The following ARHGAP21 variants were observed in gnomAD, a reference collection of about 807,000 sequenced individuals.
ARHGAP21 encodes rho GTPase-activating protein 21.
In ARHGAP21, 38 loss-of-function variants were observed where a neutral mutation model predicts 164.6. The observed-to-expected ratio is 0.23, with a 90% CI of 0.18 to 0.30. ARHGAP21 has a LOEUF of 0.30. Ranked by LOEUF, ARHGAP21 falls within the 10% of genes least tolerant of loss-of-function variation. ARHGAP21 has a pLI of 1.00. For synonymous variants in ARHGAP21, 766 were observed against 857.9 expected (o/e 0.89, Z 1.87); for missense variants, 1,822 against 2,370.7 (o/e 0.77, Z 4.81).
chr10:24,673,432 T>C (rs1436729655), intron 2 of ARHGAP21, among the ~76,000 whole-genome samples: 1 of 152,188 alleles, frequency 6.6e-6, no homozygotes, highest in Non-Finnish European at 1.5e-5. Context: ...CATGAACCCA[T>C]GTCAATATTG....
chr10:24,722,811 T>G (rs1357033617), intron 1 of ARHGAP21: 1 of 151,742 alleles, frequency 6.6e-6, no homozygotes. Context: ...GCGGCTGTTT[T>G]CCTTGGCCCG....
In ARHGAP21 at chr10:24,655,375, A is replaced by G. The variant is rs187896037; in HGVS notation, c.268+11610T>C. On this transcript the variant is annotated intron_variant, in intron 4 of 25. Coordinates refer to ENST00000396432, the MANE Select transcript of ARHGAP21 (RefSeq NM_020824.4). ...GAAATTTTTACAATCTACCCATCTGACAAAGGGCTAACATCCAGAATCTAC... is the reference window on the plus strand; with the variant it reads ...GAAATTTTTACAATCTACCCATCTGGCAAAGGGCTAACATCCAGAATCTAC... 9.2e-5 allele frequency among the ~76,000 whole-genome samples: 14 copies of G among 152,378 alleles called. No homozygotes were observed. The East Asian group carries it at 2.7e-3, about 29-fold the overall frequency.
intron 2 of ARHGAP21, among the ~76,000 whole-genome samples, chr10:24,700,272 T>G (rs913704157): frequency 4.6e-5 from 7 of 152,212 alleles, no homozygotes; most frequent in African/African-American, 1.7e-4. Flanking sequence ...AAGGTTTCCC[T>G]GTGCCATTTC....
intron 4 of ARHGAP21, among the ~76,000 whole-genome samples, chr10:24,642,694 C>A (rs189105882): frequency 6.6e-6 from 1 of 152,014 alleles, no homozygotes; most frequent in African/African-American, 2.4e-5. Context: ...AAATGATAGC[C>A]CCAAAGGCTA....
intron 2 of ARHGAP21, among the ~76,000 whole-genome samples, chr10:24,680,021 TA>T (rs1565152562): frequency 1.3e-5 from 2 of 151,614 alleles, no homozygotes; most frequent in African/African-American, 2.4e-5. Context: ...CCCTAAAACT[TA>T]AAGTATAATA....
chr10:24,608,966 TGTA>T (rs1475362037), intron 9 of ARHGAP21, among the ~76,000 whole-genome samples: 3 of 152,228 alleles, frequency 2.0e-5, no homozygotes, highest in East Asian at 1.9e-4. Flanking sequence ...CACTAAAACT[TGTA>T]GTATTTAAAA....
At chr10:24,617,828 T>C (rs1187159766) in intron 9 of ARHGAP21, among the ~76,000 whole-genome samples, 1 of 115,356 alleles carries the variant, frequency 8.7e-6, no homozygotes, top group East Asian at 2.0e-4. Context: ...GAGAAGCATA[T>C]TATATTGTAA....
intron 4 of ARHGAP21, among the ~76,000 whole-genome samples, chr10:24,641,841 C>T (rs1339746245): frequency 6.6e-6 from 1 of 151,616 alleles, no homozygotes; most frequent in East Asian, 2.0e-4. Flanking sequence ...TAAAAACACA[C>T]AAAAAATTAG....
chr10:24,595,147 A>G lies in ARHGAP21; in HGVS notation c.3756T>C (p.Pro1252=), dbSNP rs1564967340. The change falls in exon 20 of 26, where the codon CCT becomes CCC. Residue 1252 remains proline, a synonymous_variant. Transcript: ENST00000396432. ...TTTTTAATGTTTTCAGACGATCTAG[A>G]GGATCTTCTTTACGATTGGCTTCAA... ...DFIEANRKED[P]LDRLKTLKRL... The G allele has an allele frequency of 6.2e-7, 1 of 1,611,788 alleles. No individual in the cohort carries two copies. Among genetic ancestry groups the G allele is most frequent in the South Asian group, 1.1e-5 (1 of 90,594 alleles).
At chr10:24,651,694 T>C (rs980433236) in intron 4 of ARHGAP21, among the ~76,000 whole-genome samples, 2 of 152,188 alleles carry the variant, frequency 1.3e-5, no homozygotes, top group African/African-American at 2.4e-5. Flanking sequence ...ATCAACATGA[T>C]CTACTACATT....
chr10:24,607,802 G>C lies in ARHGAP21; in HGVS notation c.2524C>G (p.Pro842Ala). The change falls in exon 10 of 26, where the codon CCT becomes GCT. Residue 842 changes from proline (P) to alanine (A), a missense_variant. Coordinates refer to ENST00000396432, the MANE Select transcript of ARHGAP21 (RefSeq NM_020824.4). ...GGAGCTGAAGTTGTGAGGCAAGGAGGAACTGTTGCTATGGAGGGGACCTGA... is the reference window on the plus strand; with the variant it reads ...GGAGCTGAAGTTGTGAGGCAAGGAGCAACTGTTGCTATGGAGGGGACCTGA... ...TSQVPSIATV[P>A]PCLTTSAPLI... The C allele has an allele frequency of 6.2e-7, 1 of 1,614,138 alleles. No individual in the cohort carries two copies. The highest frequency in any genetic ancestry group is 1.1e-5 in the South Asian group (1 of 91,078).
chr10:24,713,144 T>G (rs1307244815), intron 2 of ARHGAP21, among the ~76,000 whole-genome samples: 1 of 152,174 alleles, frequency 6.6e-6, no homozygotes, highest in African/African-American at 2.4e-5. Context: ...CTCAAGAATA[T>G]AAGTCTTCTC....
chr10:24,719,939 T>A (rs928617669), intron 2 of ARHGAP21, among the ~76,000 whole-genome samples: 2 of 152,182 alleles, frequency 1.3e-5, no homozygotes, highest in African/African-American at 4.8e-5. Context: ...CACTTCCACA[T>A]AGAATCTAGG....
intron 2 of ARHGAP21, among the ~76,000 whole-genome samples, chr10:24,712,980 TA>T (rs57968335): frequency 4.4e-4 from 64 of 144,560 alleles, no homozygotes; most frequent in Non-Finnish European, 4.4e-4. Flanking sequence ...ACCTCAAGGT[TA>T]AAAAAAAAAA....
chr10:24,707,554 C>T (rs1037187826), intron 2 of ARHGAP21, among the ~76,000 whole-genome samples: 3 of 152,208 alleles, frequency 2.0e-5, no homozygotes, highest in Admixed American at 6.5e-5. Context: ...TTGCTAAGCA[C>T]ATACACCTAC....
At position 24,589,093 on chromosome 10, in the gene ARHGAP21, C is replaced by T. The variant is rs77265439; in HGVS notation, c.4182+178G>A. ...GAATATGAACTTTTGAGTTCTTATT[C>T]CAACTCAAAATCTAGTATTCTTCTT... On this transcript the variant is annotated intron_variant, in intron 25 of 25. Transcript: ENST00000396432. Among the ~76,000 whole-genome samples the T allele has an allele frequency of 1.5e-3, 232 of 151,988 alleles. 5 individuals carry two copies. In the East Asian group the frequency reaches 0.038, roughly 25 times the overall value.
intron 9 of ARHGAP21, among the ~76,000 whole-genome samples, chr10:24,610,526 T>C (rs1044772667): frequency 1.3e-5 from 2 of 152,086 alleles, no homozygotes; most frequent in Non-Finnish European, 1.5e-5. Context: ...TACAGGCCTA[T>C]ATATCCAAAA....
intron 4 of ARHGAP21, among the ~76,000 whole-genome samples, chr10:24,635,902 C>A (rs1836336008): frequency 6.6e-6 from 1 of 152,206 alleles, no homozygotes; most frequent in Non-Finnish European, 1.5e-5. Context: ...ATGAACAAGA[C>A]ATATTCCTTT....
chr10:24,652,998 C>G (rs939740071), intron 4 of ARHGAP21, among the ~76,000 whole-genome samples: 2 of 152,116 alleles, frequency 1.3e-5, no homozygotes, highest in Admixed American at 6.5e-5. Flanking sequence ...TAGCTAAACA[C>G]TGAAAAAAAT....
Sources: allele counts gnomAD v4.1 joint callset (sites outside exome capture counted in the v4.1 genomes callset), GRCh38; gene constraint gnomAD v4.1.1; transcripts MANE v1.5; gene names NCBI Gene and HGNC (gene_info 2026-07-23, HGNC 2026-07-21).